The following KDM2B variants were observed in gnomAD, a reference collection of about 807,000 sequenced individuals.
KDM2B encodes the protein lysine demethylase 2B.
In KDM2B, 26 loss-of-function variants were observed where a neutral mutation model predicts 150.0. That is an observed-to-expected ratio of 0.17 (90% CI 0.13 to 0.24). KDM2B has a LOEUF of 0.24. Among genes scored for constraint, KDM2B ranks in the 10% least tolerant of loss-of-function variants. The pLI is 1.00. For synonymous variants in KDM2B, 734 were observed against 729.5 expected, an observed-to-expected ratio of 1.01 and a Z score of -0.10; for missense variants, 1,265 against 1,816.9, an observed-to-expected ratio of 0.70 and a Z score of 5.52.
chr12:121,465,597 G>A (rs1331388784), intron 12 of KDM2B, among the ~76,000 whole-genome samples: 1 of 152,096 alleles, frequency 6.6e-6, no homozygotes, highest in Non-Finnish European at 1.5e-5. Context: ...ATGTTTTTAA[G>A]CCCAGAGACA....
chr12:121,570,830 A>G (rs527616860), intron 4 of KDM2B, among the ~76,000 whole-genome samples: 2 of 152,342 alleles, frequency 1.3e-5, no homozygotes, highest in Admixed American at 6.5e-5. Context: ...TATACCCAAG[A>G]TAAGTGAAGA....
chr12:121,535,356 G>A (rs1888006383), intron 6 of KDM2B, among the ~76,000 whole-genome samples: 1 of 152,172 alleles, frequency 6.6e-6, no homozygotes. Flanking sequence ...AAAATGTGCA[G>A]AGTAGACAAA....
At position 121,549,832 on chromosome 12, in the gene KDM2B, C is replaced by T. The variant is rs922517737; in HGVS notation, c.398-194G>A. 4.7e-5 allele frequency among the ~76,000 whole-genome samples: 7 copies of T among 149,664 alleles called. No homozygotes were observed. The highest frequency in any genetic ancestry group is 1.7e-4 in the African/African-American group (7 of 40,178). The stretch of plus-strand genomic sequence containing the variant: ...GTCTCCCACCCACCTTGCTTCCCTG[C>T]ACCACCATGGCCTCCACGCCAGTCT... On this transcript the variant is annotated intron_variant, in intron 4 of 22. Transcript: ENST00000377071. This position sits in a 1 kb window ranked among gnomAD's most constrained non-coding sequence, Gnocchi z 4.4.
At position 121,513,172 on chromosome 12, in the gene KDM2B, C is replaced by A; in HGVS notation, c.1174+104G>T. 2.2e-6 allele frequency: 3 copies of A among 1,365,430 alleles called. No individual in the cohort carries two copies. The highest frequency in any genetic ancestry group is 1.4e-5 in the African/African-American group (1 of 69,870). 84.6% of individuals were successfully genotyped at this position (1,365,430 alleles called of 1,614,324 possible). On this transcript the variant is annotated intron_variant, in intron 10 of 22. Coordinates refer to ENST00000377071, the MANE Select transcript of KDM2B (RefSeq NM_032590.5). This position sits in a 1 kb window ranked among gnomAD's most constrained non-coding sequence, Gnocchi z 5.0. The stretch of plus-strand genomic sequence containing the variant: ...TAGGATTCTGCCCAATACACTGATT[C>A]AACGAATCCCCAAAACTCAGGGAGT...
chr12:121,512,700 C>G (rs1476383362), intron 10 of KDM2B, among the ~76,000 whole-genome samples: 1 of 152,166 alleles, frequency 6.6e-6, no homozygotes, highest in East Asian at 1.9e-4. Context: ...AGTCAAGATT[C>G]AAGGGCAGAG....
rs188620434 is a variant in KDM2B at position 121,560,774 on chromosome 12, C to T, written c.398-11136G>A. On this transcript the variant is annotated intron_variant, in intron 4 of 22. Transcript: ENST00000377071. Reference sequence around the variant, plus strand: ...AGGGAACCAGGCACACAGGCTGAGTCTCTAAGCAAGAGGTTTGGCACCGGG... The same window carrying T: ...AGGGAACCAGGCACACAGGCTGAGTTTCTAAGCAAGAGGTTTGGCACCGGG... Among the ~76,000 whole-genome samples the T allele has an allele frequency of 1.4e-4, 22 of 152,264 alleles. No individual in the cohort carries two copies. The East Asian group carries it at 2.7e-3, about 19-fold the overall frequency.
At chr12:121,501,404 T>C (rs905072094) in intron 11 of KDM2B, among the ~76,000 whole-genome samples, 1 of 151,666 alleles carries the variant, frequency 6.6e-6, no homozygotes, top group African/African-American at 2.4e-5. Flanking sequence ...ATAAAATAAA[T>C]ACAAAGACCA....
In KDM2B at chr12:121,521,759, T is replaced by C. The variant is rs368340435; in HGVS notation, c.932-659A>G. ...AGCTTCTCACAGCTGGGAGCCGCAG[T>C]TTTTCATCTCTCCAAACTCCTAGCC... On this transcript the variant is annotated intron_variant, in intron 8 of 22. Coordinates refer to ENST00000377071, the MANE Select transcript of KDM2B (RefSeq NM_032590.5). This position sits in a 1 kb window ranked among gnomAD's most constrained non-coding sequence, Gnocchi z 4.9. 7.8e-4 allele frequency among the ~76,000 whole-genome samples: 119 copies of C among 152,050 alleles called. No homozygotes were observed. The South Asian group carries it at 0.019, about 25-fold the overall frequency.
At chr12:121,415,227 T>TCCAAG in the KDM2B span, 1 of 254,534 alleles carries the variant, frequency 3.9e-6, no homozygotes, top group African/African-American at 2.2e-5. Context: ...CAGTTGGTGT[T>TCCAAG]TTGATGTTTT....
chr12:121,443,126 G>C (rs939332186), intron 17 of KDM2B, 96 bp from the exon 18 acceptor site: 1 of 1,251,210 alleles, frequency 8.0e-7, no homozygotes, highest in Non-Finnish European at 1.1e-6. Flanking sequence ...ACAGTCTCCA[G>C]AGGAGGGGCT....
Position 121,518,451 on chromosome 12 carries a change from C to T in KDM2B, c.1047+2534G>A, listed in dbSNP as rs998703709. ...CCAGCCCAGTCTGCCCCCAAGCCCCCGCTGCCAGCCTGCTTCGGTGAAACC... is the reference window on the plus strand; with the variant it reads ...CCAGCCCAGTCTGCCCCCAAGCCCCTGCTGCCAGCCTGCTTCGGTGAAACC... On this transcript the variant is annotated intron_variant, in intron 9 of 22. Transcript: ENST00000377071. The surrounding 1 kb of genome is among the most constrained non-coding windows in gnomAD (Gnocchi z 4.4). 1.3e-5 allele frequency among the ~76,000 whole-genome samples: 2 copies of T among 152,178 alleles called. No individual in the cohort carries two copies. Among genetic ancestry groups the T allele is most frequent in the Non-Finnish European group, 2.9e-5 (2 of 68,032 alleles).
At position 121,492,650 on chromosome 12, in the gene KDM2B, A is replaced by G. The variant is rs573408328; in HGVS notation, c.1734+1929T>C. Among the ~76,000 whole-genome samples the G allele has an allele frequency of 1.1e-3, 165 of 151,696 alleles. 1 individual carries two copies. The highest frequency in any genetic ancestry group is 3.7e-3 in the African/African-American group (154 of 41,422). On this transcript the variant is annotated intron_variant, in intron 12 of 22. Coordinates refer to ENST00000377071, the MANE Select transcript of KDM2B (RefSeq NM_032590.5). The stretch of plus-strand genomic sequence containing the variant: ...ATTGACCAGACTGCCCAACATGGCA[A>G]AACTCTGTCTCTACTAAAAATACAA...
At chr12:121,517,500 G>A (rs1231048714) in intron 9 of KDM2B, among the ~76,000 whole-genome samples, 3 of 148,544 alleles carry the variant, frequency 2.0e-5, no homozygotes, top group Admixed American at 6.7e-5. Flanking sequence ...ATGGAGTCTC[G>A]CTCTGTCGCC....
At chr12:121,512,249 C>T (rs1305375746) in intron 10 of KDM2B, among the ~76,000 whole-genome samples, 1 of 152,086 alleles carries the variant, frequency 6.6e-6, no homozygotes, top group Non-Finnish European at 1.5e-5. Context: ...TTCCAACCCC[C>T]TGAATATCAC....
At position 121,430,716 on chromosome 12, in the gene KDM2B, TTC is replaced by T. The variant is rs1872855948; in HGVS notation, c.3830-249_3830-248del. ...ATTCAGATAACCACGTGAAAATCAC[TTC>T]TGATTTACCACACAGCTGCCTCTAT... On this transcript the variant is annotated intron_variant, in intron 22 of 22. Transcript: ENST00000377071. This position sits in a 1 kb window ranked among gnomAD's most constrained non-coding sequence, Gnocchi z 4.4. 1.7e-6 allele frequency: 1 copy of T among 578,720 alleles called. No homozygotes were observed. The highest frequency in any genetic ancestry group is 3.1e-6 in the Non-Finnish European group (1 of 325,552). 35.8% of individuals were successfully genotyped at this position (578,720 alleles called of 1,614,324 possible). A position where few individuals can be genotyped will look rare whatever the true frequency, so the allele number is the denominator to read the frequency against.
At chr12:121,574,379 T>C in intron 4 of KDM2B, 168 bp downstream of exon 4, 1 of 606,392 alleles carries the variant, frequency 1.6e-6, no homozygotes, top group Admixed American at 3.0e-5. Flanking sequence ...ACTGCAACCC[T>C]ACCTGTTCTC....
At chr12:121,477,943 A>C (rs1302087738) in intron 12 of KDM2B, among the ~76,000 whole-genome samples, 1 of 150,988 alleles carries the variant, frequency 6.6e-6, no homozygotes, top group African/African-American at 2.4e-5. Flanking sequence ...GGATCTCATT[A>C]TGTTGCCCAG....
At chr12:121,448,658 A>C (rs1876711247) in intron 13 of KDM2B, among the ~76,000 whole-genome samples, 1 of 152,154 alleles carries the variant, frequency 6.6e-6, no homozygotes, top group Non-Finnish European at 1.5e-5. Flanking sequence ...TATACACGCC[A>C]TTGGTAAGTG....
chr12:121,501,302 C>G (rs1884519310), intron 11 of KDM2B, among the ~76,000 whole-genome samples: 1 of 152,072 alleles, frequency 6.6e-6, no homozygotes, highest in African/African-American at 2.4e-5. Flanking sequence ...TTGCTTGAAC[C>G]CGGGAGGCGG....
Sources: allele counts gnomAD v4.1 joint callset (sites outside exome capture counted in the v4.1 genomes callset), GRCh38; gene constraint gnomAD v4.1.1; non-coding constraint Gnocchi (gnomAD v3.1); transcripts MANE v1.5; gene names NCBI Gene and HGNC (gene_info 2026-07-23, HGNC 2026-07-21).